The following ASNS variants were observed in gnomAD, a reference collection of about 807,000 sequenced individuals.
The protein encoded by ASNS is asparagine synthetase [glutamine-hydrolyzing].
Under a neutral mutation model 62.6 loss-of-function variants are expected in ASNS, and 37 were observed. The ratio of observed to expected loss-of-function variants is 0.59; its 90% CI spans 0.45 to 0.78. The LOEUF (loss-of-function observed/expected upper bound fraction) is 0.78. Among genes scored for constraint, ASNS ranks in the 30% least tolerant of loss-of-function variants. The probability of loss-of-function intolerance (pLI) is 0.00; values close to 1 mark genes in which losing one functional copy is unlikely to be tolerated. For synonymous variants in ASNS, 207 were observed against 237.9 expected (o/e 0.87, Z 1.19); for missense variants, 520 against 682.4 (o/e 0.76, Z 2.65).
At chr7:97,904,728 G>GA in the ASNS span, among the ~76,000 whole-genome samples, 133,798 of 151,422 alleles carry the variant, frequency 0.88, 59,184 homozygotes, top group Middle Eastern at 0.93. Flanking sequence ...TCATAAAAGA[G>GA]AAAAAATGCA....
At chr7:97,858,182 C>T in intron 7 of ASNS, 96 bp downstream of exon 7, 4 of 1,488,668 alleles carry the variant, frequency 2.7e-6, no homozygotes, top group South Asian at 1.3e-5. Flanking sequence ...CCAGTCAATA[C>T]AGCAGCAGTA....
the ASNS span, among the ~76,000 whole-genome samples, chr7:97,887,538 C>A: frequency 6.6e-6 from 1 of 152,154 alleles, no homozygotes; most frequent in Non-Finnish European, 1.5e-5. Context: ...ATCTGTATGA[C>A]CAAAAACTTG....
the ASNS span, among the ~76,000 whole-genome samples, chr7:97,913,996 G>A: frequency 6.6e-6 from 1 of 151,370 alleles, no homozygotes; most frequent in African/African-American, 2.4e-5. Flanking sequence ...GGGTAGCTGA[G>A]TGAATGGGTG....
the ASNS span, among the ~76,000 whole-genome samples, chr7:97,923,650 C>T: frequency 2.3e-4 from 35 of 152,322 alleles, no homozygotes; most frequent in African/African-American, 7.9e-4. Flanking sequence ...CCAAACCTGC[C>T]TTCCTAGCCC....
chr7:97,881,702 T>C, the ASNS span, among the ~76,000 whole-genome samples: 3 of 152,096 alleles, frequency 2.0e-5, no homozygotes, highest in South Asian at 6.2e-4. Flanking sequence ...CCCCAGGAGA[T>C]TCCAAGGTGC....
the ASNS span, among the ~76,000 whole-genome samples, chr7:97,881,938 C>T: frequency 6.6e-6 from 1 of 152,034 alleles, no homozygotes; most frequent in Non-Finnish European, 1.5e-5. Context: ...GACACCTCTG[C>T]CTCCCAGGTT....
the ASNS span, among the ~76,000 whole-genome samples, chr7:97,890,336 T>C: frequency 6.6e-6 from 1 of 152,062 alleles, no homozygotes; most frequent in African/African-American, 2.4e-5. Context: ...AGCTCAAAGA[T>C]TACCAAATAA....
At chr7:97,882,314 C>T in the ASNS span, among the ~76,000 whole-genome samples, 17 of 152,046 alleles carry the variant, frequency 1.1e-4, 1 homozygote, top group Non-Finnish European at 1.6e-4. Flanking sequence ...TTTCGGAAGC[C>T]GAGGCTGACG....
the ASNS span, among the ~76,000 whole-genome samples, chr7:97,882,457 A>C: frequency 1.3e-5 from 2 of 152,154 alleles, no homozygotes; most frequent in African/African-American, 4.8e-5. Flanking sequence ...CTGAGGCAGG[A>C]GAATCGCTTG....
Position 97,856,934 on chromosome 7 carries a change from G to GA in ASNS, c.904-119dup, listed in dbSNP as rs887157686. ...TAACAATGGTGAAAACTAAACAAGG[G>GA]AAAAAAAGAAAAATGACTTTACAGC... On this transcript the variant is annotated intron_variant, in intron 7 of 12. Transcript: ENST00000394308. The GA allele has an allele frequency of 2.0e-5, 22 of 1,087,248 alleles. No homozygotes were observed. The African/African-American group carries it at 2.4e-4, about 12-fold the overall frequency. The allele number at this position is 1,087,248 out of a possible 1,614,324, so 67.4% of individuals were successfully genotyped here. A position where few individuals can be genotyped will look rare whatever the true frequency, so the allele number is the denominator to read the frequency against.
At chr7:97,917,748 T>C in the ASNS span, among the ~76,000 whole-genome samples, 1 of 152,216 alleles carries the variant, frequency 6.6e-6, no homozygotes, top group Admixed American at 6.5e-5. Context: ...GGGGTGGCTC[T>C]GGGCTTGGCA....
At chr7:97,909,945 C>T in the ASNS span, among the ~76,000 whole-genome samples, 1 of 152,164 alleles carries the variant, frequency 6.6e-6, no homozygotes, top group African/African-American at 2.4e-5. Context: ...CTCCATTCAG[C>T]ATCTGTTCCA....
At chr7:97,878,204 A>G in the ASNS span, among the ~76,000 whole-genome samples, 1 of 152,202 alleles carries the variant, frequency 6.6e-6, no homozygotes, top group East Asian at 1.9e-4. Flanking sequence ...GCCAACCAAC[A>G]TGGGGAAACC....
intron 8 of ASNS, among the ~76,000 whole-genome samples, chr7:97,855,954 T>C (rs934556745): frequency 6.6e-6 from 1 of 152,220 alleles, no homozygotes; most frequent in Non-Finnish European, 1.5e-5. Flanking sequence ...CACATCTCTC[T>C]AAACCAGTGT....
In ASNS at chr7:97,864,332, A is replaced by G; in HGVS notation, c.414T>C (p.Asp138=). Residue 138 remains aspartate, a synonymous_variant, in exon 4 of 13, where the codon GAT becomes GAC. Coordinates refer to ENST00000394308, the MANE Select transcript of ASNS (RefSeq NM_001673.5). ...TAAACAAAGGTCTGACTCCATATGT[A>G]TCTCTACCCAGGAACACTTTCTTAT... ...TANKKVFLGR[D]TYGVRPLFKA... is the part of the protein sequence containing the mutation. The G allele has an allele frequency of 6.2e-7, 1 of 1,613,822 alleles. No homozygotes were observed. Among genetic ancestry groups the G allele is most frequent in the Non-Finnish European group, 8.5e-7 (1 of 1,179,802 alleles).
At chr7:97,870,991 C>T (rs1442191264) in intron 1 of ASNS, among the ~76,000 whole-genome samples, 6 of 152,294 alleles carry the variant, frequency 3.9e-5, no homozygotes, top group East Asian at 3.9e-4. Flanking sequence ...ACTGCCGCTA[C>T]CTGTTCTCAA....
At chr7:97,926,344 C>T in the ASNS span, among the ~76,000 whole-genome samples, 1 of 152,064 alleles carries the variant, frequency 6.6e-6, no homozygotes, top group African/African-American at 2.4e-5. Context: ...AAATAATCTG[C>T]TATTAAAGAA....
the ASNS span, among the ~76,000 whole-genome samples, chr7:97,880,543 G>A: frequency 6.6e-6 from 1 of 152,144 alleles, no homozygotes; most frequent in Non-Finnish European, 1.5e-5. Context: ...ATAGTTCCCA[G>A]GTCACTGCCT....
the ASNS span, among the ~76,000 whole-genome samples, chr7:97,926,343 G>A: frequency 1.3e-5 from 2 of 152,024 alleles, no homozygotes; most frequent in South Asian, 4.1e-4. Flanking sequence ...AAAATAATCT[G>A]CTATTAAAGA....
Sources: gnomAD v4.1 joint callset for allele counts (sites outside exome capture counted in the v4.1 genomes callset) on GRCh38, gnomAD v4.1.1 for gene constraint, MANE v1.5 for transcripts, NCBI Gene and HGNC (gene_info 2026-07-23, HGNC 2026-07-21) for gene names.